Variants in SYT1 observed in about 807,000 individuals in gnomAD.
The protein encoded by SYT1 is synaptotagmin 1.
In SYT1, 8 loss-of-function variants were observed where a neutral mutation model predicts 44.8. That is an observed-to-expected ratio of 0.18 (90% CI 0.10 to 0.32). The LOEUF is 0.32. Ranked by LOEUF, SYT1 falls within the 10% of genes least tolerant of loss-of-function variation. SYT1 has a pLI of 1.00. For synonymous variants in SYT1, 154 were observed against 188.8 expected (o/e 0.82, Z 1.51); for missense variants, 286 against 509.3 (o/e 0.56, Z 4.22).
intron 3 of SYT1, among the ~76,000 whole-genome samples, chr12:79,152,967 A>T (rs1870370097): frequency 6.6e-6 from 1 of 151,854 alleles, no homozygotes; most frequent in Non-Finnish European, 1.5e-5. Flanking sequence ...ATATAAGAAA[A>T]TTATTACCCT....
At chr12:79,372,584 T>C (rs1045766851) in intron 9 of SYT1, among the ~76,000 whole-genome samples, 1 of 152,180 alleles carries the variant, frequency 6.6e-6, no homozygotes, top group Admixed American at 6.5e-5. Context: ...TCTAAATCAC[T>C]GTGTATTGGC....
At chr12:78,976,478 C>G (rs1868843268) in intron 1 of SYT1, 1 of 152,088 alleles carries the variant, frequency 6.6e-6, no homozygotes, top group African/African-American at 2.4e-5. Flanking sequence ...TGGATTTATG[C>G]CAGAATCATT....
At chr12:79,374,765 G>A (rs1203700954) in intron 9 of SYT1, among the ~76,000 whole-genome samples, 1 of 152,208 alleles carries the variant, frequency 6.6e-6, no homozygotes, top group East Asian at 1.9e-4. Context: ...TACTTACTAA[G>A]TGCCACAGTG....
chr12:79,125,140 A>G (rs1487548725), intron 3 of SYT1, among the ~76,000 whole-genome samples: 4 of 152,266 alleles, frequency 2.6e-5, no homozygotes, highest in African/African-American at 9.6e-5. Flanking sequence ...TTTGGTAAGC[A>G]TCTTAGGGCT....
At chr12:79,148,070 G>C (rs978578563) in intron 3 of SYT1, among the ~76,000 whole-genome samples, 3 of 152,066 alleles carry the variant, frequency 2.0e-5, no homozygotes, top group Non-Finnish European at 4.4e-5. Flanking sequence ...GCATCAAAAA[G>C]ACAAAAAGTT....
At chr12:79,330,093 C>T (rs1881789178) in intron 8 of SYT1, among the ~76,000 whole-genome samples, 1 of 152,094 alleles carries the variant, frequency 6.6e-6, no homozygotes, top group South Asian at 2.1e-4. Flanking sequence ...CAGGCAACCT[C>T]AGGAATGTAA....
intron 3 of SYT1, among the ~76,000 whole-genome samples, chr12:79,113,553 A>G (rs1879125901): frequency 6.6e-6 from 1 of 152,140 alleles, no homozygotes; most frequent in Admixed American, 6.6e-5. Flanking sequence ...GTAGTAGCAT[A>G]TTAAAGTCTA....
intron 3 of SYT1, among the ~76,000 whole-genome samples, chr12:79,145,673 A>AT (rs1301357764): frequency 1.2e-4 from 18 of 152,310 alleles, no homozygotes. Context: ...CTTCCCCAAT[A>AT]TAACACAGCT....
At chr12:79,149,844 C>T (rs1870156775) in intron 3 of SYT1, among the ~76,000 whole-genome samples, 1 of 152,126 alleles carries the variant, frequency 6.6e-6, no homozygotes, top group South Asian at 2.1e-4. Context: ...TCTACACTGG[C>T]CCCACACCTT....
intron 1 of SYT1, among the ~76,000 whole-genome samples, chr12:78,935,104 A>G (rs1671833175): frequency 6.6e-6 from 1 of 152,206 alleles, no homozygotes. Context: ...AACTGTGAGG[A>G]TGGTACATCC....
chr12:78,983,785 A>C (rs1404384991), intron 2 of SYT1, among the ~76,000 whole-genome samples: 1 of 152,118 alleles, frequency 6.6e-6, no homozygotes, highest in Non-Finnish European at 1.5e-5. Context: ...GCTAAGAAGA[A>C]TAGCAATGTA....
At chr12:79,219,216 C>T (rs1472603014) in intron 4 of SYT1, among the ~76,000 whole-genome samples, 2 of 151,508 alleles carry the variant, frequency 1.3e-5, no homozygotes, top group Non-Finnish European at 3.0e-5. Context: ...TATTTGTTTT[C>T]TTGCTGTTTG....
intron 1 of SYT1, among the ~76,000 whole-genome samples, chr12:78,902,104 T>C (rs1324914965): frequency 1.3e-5 from 2 of 151,806 alleles, no homozygotes; most frequent in Non-Finnish European, 2.9e-5. Flanking sequence ...GGTTGAGGGG[T>C]GCAGCAAACC....
chr12:79,107,854 G>A (rs1878801862), intron 3 of SYT1, among the ~76,000 whole-genome samples: 1 of 151,892 alleles, frequency 6.6e-6, no homozygotes, highest in Non-Finnish European at 1.5e-5. Flanking sequence ...TAACAAATCT[G>A]TGGGAACTTT....
chr12:79,449,121 G>C lies in SYT1; in HGVS notation c.1266G>C (p.Lys422Asn), dbSNP rs1399773270. The C allele has an allele frequency of 6.2e-7, 1 of 1,605,434 alleles. No individual in the cohort carries two copies. Among genetic ancestry groups the C allele is most frequent in the Non-Finnish European group, 8.5e-7 (1 of 1,175,408 alleles). Residue 422 changes from lysine to asparagine, a missense_variant, in exon 11 of 11, where the codon AAG becomes AAC. Transcript: ENST00000261205. ...TTGATGCCATGCTGGCCGTCAAGAA[G>C]TAAAGGAAAGAAGAAGCCTTTCTGC... ...EEVDAMLAVK[K>N] is the part of the protein sequence containing the mutation.
chr12:79,402,399 T>C (rs2136116689), intron 9 of SYT1, among the ~76,000 whole-genome samples: 1 of 152,260 alleles, frequency 6.6e-6, no homozygotes, highest in Admixed American at 6.5e-5. Context: ...TTTGATAAAA[T>C]ATTTTTCACA....
intron 3 of SYT1, among the ~76,000 whole-genome samples, chr12:79,211,400 T>C (rs1168778701): frequency 6.6e-6 from 1 of 152,168 alleles, no homozygotes. Context: ...TTAAGATTAA[T>C]TTTTTATTGA....
At chr12:78,917,936 G>T (rs1187355167) in intron 1 of SYT1, among the ~76,000 whole-genome samples, 1 of 151,966 alleles carries the variant, frequency 6.6e-6, no homozygotes, top group Non-Finnish European at 1.5e-5. Context: ...CTTTGGTAAG[G>T]CTTTTAAGTA....
intron 3 of SYT1, among the ~76,000 whole-genome samples, chr12:79,209,236 T>C (rs1208183253): frequency 1.3e-5 from 2 of 152,170 alleles, no homozygotes; most frequent in African/African-American, 4.8e-5. Context: ...TGCAAACTTA[T>C]GGAGGATTTT....
Sources: gnomAD v4.1 joint callset for allele counts (sites outside exome capture counted in the v4.1 genomes callset) on GRCh38, gnomAD v4.1.1 for gene constraint, MANE v1.5 for transcripts, NCBI Gene and HGNC (gene_info 2026-07-23, HGNC 2026-07-21) for gene names.